Variants in CADPS2 observed in about 807,000 individuals in gnomAD.
CADPS2 encodes calcium dependent secretion activator 2.
A neutral mutation model predicts 172.5 loss-of-function variants in CADPS2; 93 were observed. The observed-to-expected ratio is 0.54, with a 90% CI of 0.46 to 0.64. CADPS2 has a LOEUF of 0.64. CADPS2 is among the 30% of genes least tolerant of loss of function. The probability of loss-of-function intolerance (pLI) is 0.00; values close to 1 mark genes in which losing one functional copy is unlikely to be tolerated. For missense variants in CADPS2, 1,420 were observed against 1,565.9 expected (o/e 0.91, Z 1.57); for synonymous variants, 546 against 555.2 (o/e 0.98, Z 0.23).
At chr7:122,624,248 T>C (rs1168996940) in intron 4 of CADPS2, among the ~76,000 whole-genome samples, 2 of 152,222 alleles carry the variant, frequency 1.3e-5, no homozygotes, top group African/African-American at 4.8e-5. Flanking sequence ...AATAGGGTTA[T>C]TTCCTAGTTG....
In CADPS2 at chr7:122,318,584, G is replaced by C. The variant is rs1194560951; in HGVS notation, c.*1581C>G. 2 of 152,206 alleles carry C rather than the reference G, an allele frequency of 1.3e-5. No individual in the cohort carries two copies. The highest frequency in any genetic ancestry group is 2.9e-5 in the Non-Finnish European group (2 of 68,038). The allele number at this position is 152,206 out of a possible 1,614,324, so 9.4% of individuals were successfully genotyped here. A position where few individuals can be genotyped will look rare whatever the true frequency, so the allele number is the denominator to read the frequency against. ...GAGGGTTTGGAGAAAATAGTATTTG[G>C]TGTGTGAATAGAGAAGAAAAGGAGG... On this transcript the variant is annotated 3_prime_UTR_variant, in exon 30 of 30. Transcript: ENST00000449022.
intron 8 of CADPS2, among the ~76,000 whole-genome samples, chr7:122,542,528 C>T (rs933651402): frequency 6.6e-6 from 1 of 152,040 alleles, no homozygotes; most frequent in Admixed American, 6.6e-5. Flanking sequence ...CAAATGGGAA[C>T]TTGTCTTTCT....
At chr7:122,861,974 G>A (rs988997280) in intron 1 of CADPS2, among the ~76,000 whole-genome samples, 3 of 152,190 alleles carry the variant, frequency 2.0e-5, no homozygotes, top group African/African-American at 7.2e-5. Context: ...CTGTTAAAAT[G>A]AGGAAAATTT....
At chr7:122,782,573 T>G (rs1255132594) in intron 1 of CADPS2, among the ~76,000 whole-genome samples, 3 of 152,144 alleles carry the variant, frequency 2.0e-5, no homozygotes, top group Non-Finnish European at 2.9e-5. Flanking sequence ...TTCATGCCAT[T>G]GCACTCCACC....
intron 25 of CADPS2, among the ~76,000 whole-genome samples, chr7:122,368,607 G>A (rs1340096020): frequency 6.6e-6 from 1 of 152,146 alleles, no homozygotes; most frequent in Non-Finnish European, 1.5e-5. Flanking sequence ...TCAATGCTTT[G>A]ATTGGTGTTA....
intron 2 of CADPS2, among the ~76,000 whole-genome samples, chr7:122,710,630 T>C (rs2088549563): frequency 6.6e-6 from 1 of 152,060 alleles, no homozygotes; most frequent in African/African-American, 2.4e-5. Flanking sequence ...TGGGCCTTCC[T>C]TCCTCTTCTC....
intron 1 of CADPS2, among the ~76,000 whole-genome samples, chr7:122,884,174 C>A (rs1823679859): frequency 6.6e-6 from 1 of 152,140 alleles, no homozygotes; most frequent in African/African-American, 2.4e-5. Context: ...ACACTTTAAT[C>A]ATTAAAAATA....
At chr7:122,496,662 T>G (rs1302777948) in intron 9 of CADPS2, among the ~76,000 whole-genome samples, 2 of 152,164 alleles carry the variant, frequency 1.3e-5, no homozygotes, top group African/African-American at 4.8e-5. Flanking sequence ...AGTTTGGCTT[T>G]GTGGTTCTAT....
intron 3 of CADPS2, among the ~76,000 whole-genome samples, chr7:122,643,193 C>T (rs1257494948): frequency 6.6e-6 from 1 of 152,038 alleles, no homozygotes; most frequent in Non-Finnish European, 1.5e-5. Context: ...TTTGGAAATG[C>T]CAAATATGCA....
At chr7:122,335,209 G>C (rs1340417884) in intron 28 of CADPS2, among the ~76,000 whole-genome samples, 1 of 152,124 alleles carries the variant, frequency 6.6e-6, no homozygotes, top group Admixed American at 6.6e-5. Context: ...TACTTTTACT[G>C]CCTCAAAAAT....
At chr7:122,580,350 G>A (rs1408806685) in intron 7 of CADPS2, among the ~76,000 whole-genome samples, 1 of 151,516 alleles carries the variant, frequency 6.6e-6, no homozygotes, top group Admixed American at 6.6e-5. Context: ...AGCTACTTGG[G>A]AGTCTGAGGC....
At chr7:122,730,645 T>G (rs2091549763) in intron 2 of CADPS2, among the ~76,000 whole-genome samples, 1 of 151,770 alleles carries the variant, frequency 6.6e-6, no homozygotes, top group Admixed American at 6.6e-5. Context: ...ATAAATCAGA[T>G]TCCAGTTTTA....
At chr7:122,728,772 TG>T (rs972584246) in intron 2 of CADPS2, among the ~76,000 whole-genome samples, 3 of 151,758 alleles carry the variant, frequency 2.0e-5, no homozygotes, top group East Asian at 3.9e-4. Context: ...TACACATTCA[TG>T]GGGGCACTTG....
chr7:122,625,873 C>A (rs1161062686), intron 4 of CADPS2, among the ~76,000 whole-genome samples: 1 of 151,876 alleles, frequency 6.6e-6, no homozygotes, highest in Non-Finnish European at 1.5e-5. Context: ...TTATATCTAC[C>A]TAGATATTGG....
At chr7:122,839,989 A>T (rs1809923091) in intron 1 of CADPS2, among the ~76,000 whole-genome samples, 1 of 152,236 alleles carries the variant, frequency 6.6e-6, no homozygotes, top group South Asian at 2.1e-4. Context: ...ACATATGTTT[A>T]TTGCGGCACT....
At position 122,527,634 on chromosome 7, in the gene CADPS2, G is replaced by A. The variant is rs919710725; in HGVS notation, c.1476-14319C>T. On this transcript the variant is annotated intron_variant, in intron 8 of 29. Transcript: ENST00000449022. ...AGAGAGAGAGTGTGTGTGTGTGTGT[G>A]TGTGTGTGTGTGTGTGTGTTTCCTG... is the stretch of plus-strand genomic sequence containing the variant. Among the ~76,000 whole-genome samples, 292 of 150,942 alleles carry A rather than the reference G, an allele frequency of 1.9e-3. 3 individuals are homozygous for A. The highest frequency in any genetic ancestry group is 6.7e-3 in the African/African-American group (276 of 41,148).
At chr7:122,325,287 T>C (rs1384493940) in intron 29 of CADPS2, among the ~76,000 whole-genome samples, 190 bp downstream of exon 29, 1 of 152,114 alleles carries the variant, frequency 6.6e-6, no homozygotes, top group African/African-American at 2.4e-5. Flanking sequence ...AAATTTTTTT[T>C]ATTAGTGCAA....
chr7:122,800,847 C>A (rs984232938), intron 1 of CADPS2, among the ~76,000 whole-genome samples: 3 of 151,802 alleles, frequency 2.0e-5, no homozygotes, highest in African/African-American at 4.8e-5. Context: ...AAAAATTAGC[C>A]GGGCGTGGTG....
At chr7:122,818,603 T>C (rs574972029) in intron 1 of CADPS2, among the ~76,000 whole-genome samples, 1 of 152,210 alleles carries the variant, frequency 6.6e-6, no homozygotes, top group South Asian at 2.1e-4. Flanking sequence ...AGGCTGCTCC[T>C]TGCCAGGCCG....
Sources: allele counts gnomAD v4.1 joint callset (sites outside exome capture counted in the v4.1 genomes callset), GRCh38; gene constraint gnomAD v4.1.1; transcripts MANE v1.5; gene names NCBI Gene and HGNC (gene_info 2026-07-23, HGNC 2026-07-21).